FAM114A1: variants seen among roughly 807,000 people sequenced by gnomAD.
The protein encoded by FAM114A1 is protein NOXP20.
A neutral mutation model predicts 64.3 loss-of-function variants in FAM114A1; 62 were observed. That is an observed-to-expected ratio of 0.96 (90% CI 0.79 to 1.19). The LOEUF is 1.19. Among genes scored for constraint, FAM114A1 ranks in the 50% most tolerant of loss-of-function variants. FAM114A1 has a pLI of 0.00. For synonymous variants in FAM114A1, 254 were observed against 251.1 expected, an observed-to-expected ratio of 1.01 and a Z score of -0.11; for missense variants, 645 against 676.3, an observed-to-expected ratio of 0.95 and a Z score of 0.51.
chr4:38,869,203 T>C (rs1465890326), intron 2 of FAM114A1, among the ~76,000 whole-genome samples: 2 of 152,108 alleles, frequency 1.3e-5, no homozygotes, highest in African/African-American at 4.8e-5. Flanking sequence ...ACTCCATAAA[T>C]ACATGGAATA....
intron 2 of FAM114A1, among the ~76,000 whole-genome samples, chr4:38,877,189 A>G (rs543081473): frequency 3.2e-4 from 49 of 152,318 alleles, no homozygotes; most frequent in African/African-American, 1.1e-3. Context: ...ATCAGCAGAA[A>G]GGGGTGCGGG....
chr4:38,929,969 T>G (rs1264433385), intron 10 of FAM114A1, among the ~76,000 whole-genome samples: 1 of 152,174 alleles, frequency 6.6e-6, no homozygotes, highest in African/African-American at 2.4e-5. Context: ...GCAGTAGTTA[T>G]CATCAGGTTA....
intron 2 of FAM114A1, among the ~76,000 whole-genome samples, chr4:38,873,440 C>A (rs189225889): frequency 4.0e-4 from 61 of 152,276 alleles, no homozygotes; most frequent in African/African-American, 1.4e-3. Context: ...CTACTATGCA[C>A]AGGAAGCCAT....
At chr4:38,883,124 T>A (rs1715461145) in intron 3 of FAM114A1, among the ~76,000 whole-genome samples, 1 of 152,182 alleles carries the variant, frequency 6.6e-6, no homozygotes, top group South Asian at 2.1e-4. Context: ...CTCTAAGGCC[T>A]CTGCCAGCAT....
At chr4:38,871,028 T>A (rs1225892228) in intron 2 of FAM114A1, among the ~76,000 whole-genome samples, 4 of 151,436 alleles carry the variant, frequency 2.6e-5, no homozygotes, top group Non-Finnish European at 4.4e-5. Context: ...GGATTAGAGA[T>A]ACACACAATT....
intron 9 of FAM114A1, among the ~76,000 whole-genome samples, chr4:38,925,803 G>A (rs1044601980): frequency 1.1e-4 from 16 of 152,020 alleles, no homozygotes; most frequent in Admixed American, 6.6e-5. Flanking sequence ...AAGAGTTGTA[G>A]TAATAGGTAT....
chr4:38,908,238 TTA>T (rs1239460988), intron 6 of FAM114A1, among the ~76,000 whole-genome samples: 1 of 152,212 alleles, frequency 6.6e-6, no homozygotes, highest in Non-Finnish European at 1.5e-5. Flanking sequence ...TATGTTAATT[TTA>T]TGTCTTAGCA....
At chr4:38,881,201 C>CA (rs34293468) in intron 3 of FAM114A1, among the ~76,000 whole-genome samples, 38,364 of 136,860 alleles carry the variant, frequency 0.28, 5,399 homozygotes, top group African/African-American at 0.32. Flanking sequence ...GACTCTGTCT[C>CA]AAAAAAAAAA....
rs1720647165 is a variant in FAM114A1 at position 38,931,608 on chromosome 4, T to C, written c.1319T>C (p.Ile440Thr). 1 of 1,611,566 alleles carries C rather than the reference T, an allele frequency of 6.2e-7. No homozygotes were observed. The highest frequency in any genetic ancestry group is 8.5e-7 in the Non-Finnish European group (1 of 1,179,050). ...DKKEEKKTKT[I>T]EEVYMSSIES... Reference sequence around the variant, plus strand: ...AAGGAGGAAAAGAAAACTAAGACCATAGAGGTAAATTCATTCTAGATTGTC... The same window carrying C: ...AAGGAGGAAAAGAAAACTAAGACCACAGAGGTAAATTCATTCTAGATTGTC... Residue 440 changes from isoleucine (I) to threonine (T), a missense_variant, in exon 11 of 15, where the codon ATA becomes ACA. Coordinates refer to ENST00000358869, the MANE Select transcript of FAM114A1 (RefSeq NM_138389.4).
At chr4:38,937,296 C>T (rs1480989272) in intron 13 of FAM114A1, among the ~76,000 whole-genome samples, 3 of 152,162 alleles carry the variant, frequency 2.0e-5, no homozygotes, top group African/African-American at 7.2e-5. Context: ...CTCTCCAAAG[C>T]CTCTAGGATT....
chr4:38,870,085 C>A (rs1713879265), intron 2 of FAM114A1, among the ~76,000 whole-genome samples: 1 of 152,092 alleles, frequency 6.6e-6, no homozygotes, highest in African/African-American at 2.4e-5. Context: ...GTTGTGTGCC[C>A]ACAAAGGGAT....
At chr4:38,868,058 A>AGT (rs147472159) in intron 1 of FAM114A1, 372 of 410,144 alleles carry the variant, frequency 9.1e-4, no homozygotes, top group Non-Finnish European at 1.1e-3. Flanking sequence ...CGGGCGTGTG[A>AGT]GTGTGTGTGT....
chr4:38,940,935 T>A, intron 13 of FAM114A1, 33 bp from the exon 14 acceptor site: 1 of 1,611,416 alleles, frequency 6.2e-7, no homozygotes, highest in Non-Finnish European at 8.5e-7. Flanking sequence ...TATGAGCACC[T>A]AATCTGTCAA....
chr4:38,890,495 CTG>C (rs1716247389), intron 3 of FAM114A1, among the ~76,000 whole-genome samples: 1 of 152,080 alleles, frequency 6.6e-6, no homozygotes, highest in Non-Finnish European at 1.5e-5. Context: ...TCTACAAACT[CTG>C]TAGGAATTTT....
At chr4:38,928,550 G>C (rs1326972571) in intron 9 of FAM114A1, among the ~76,000 whole-genome samples, 1 of 151,902 alleles carries the variant, frequency 6.6e-6, no homozygotes, top group Admixed American at 6.5e-5. Flanking sequence ...AAATCATTCT[G>C]TAAATATTCA....
chr4:38,884,178 G>A (rs777560552), intron 3 of FAM114A1, among the ~76,000 whole-genome samples: 1 of 152,208 alleles, frequency 6.6e-6, no homozygotes, highest in Non-Finnish European at 1.5e-5. Flanking sequence ...TGGTAGAGAC[G>A]GGGTCTCCCT....
intron 8 of FAM114A1, among the ~76,000 whole-genome samples, chr4:38,917,185 T>A (rs1020354475): frequency 4.0e-5 from 6 of 148,796 alleles, no homozygotes; most frequent in African/African-American, 7.6e-5. Flanking sequence ...AATAAATAAA[T>A]AAAAAAGCTG....
chr4:38,937,865 G>T (rs2109807483), intron 13 of FAM114A1, among the ~76,000 whole-genome samples: 1 of 152,164 alleles, frequency 6.6e-6, no homozygotes, highest in Admixed American at 6.5e-5. Flanking sequence ...CTCCTGAGTA[G>T]CTGGGATTAC....
chr4:38,943,444 C>A lies in FAM114A1; in HGVS notation c.1591-12C>A. The A allele has an allele frequency of 1.2e-6, 2 of 1,612,172 alleles. No individual in the cohort carries two copies. The highest frequency in any genetic ancestry group is 1.1e-5 in the South Asian group (1 of 90,974). ...AAAATAACCCTTCAACCTCATTTTT[C>A]TCCTCTCACAGGGCTGCAACAGTAC... On this transcript the variant is annotated splice_polypyrimidine_tract_variant and intron_variant, in intron 14 of 14. Coordinates refer to ENST00000358869, the MANE Select transcript of FAM114A1 (RefSeq NM_138389.4).
Sources: allele counts gnomAD v4.1 joint callset (sites outside exome capture counted in the v4.1 genomes callset), GRCh38; gene constraint gnomAD v4.1.1; transcripts MANE v1.5; gene names NCBI Gene and HGNC (gene_info 2026-07-23, HGNC 2026-07-21).